Variants in NRG1 observed in about 807,000 individuals in gnomAD.
NRG1 encodes pro-neuregulin-1, membrane-bound isoform.
A neutral mutation model predicts 63.8 loss-of-function variants in NRG1; 18 were observed. That is an observed-to-expected ratio of 0.28 (90% CI 0.19 to 0.42). The LOEUF is 0.42. NRG1 is among the 10% of genes least tolerant of loss of function. NRG1 has a pLI of 1.00. For synonymous variants in NRG1, 302 were observed against 301.3 expected (o/e 1.00, Z -0.02); for missense variants, 762 against 814.7 (o/e 0.94, Z 0.79).
chr8:31,760,262 A>G (rs189153479), intron 1 of NRG1, among the ~76,000 whole-genome samples: 20 of 152,126 alleles, frequency 1.3e-4, no homozygotes, highest in Non-Finnish European at 4.4e-5. Flanking sequence ...TCAGCTTTCT[A>G]CATATGGCTA....
intron 1 of NRG1, among the ~76,000 whole-genome samples, chr8:31,991,378 C>CTCCTCTTCTTCTTCTGCT (rs1554594925): frequency 2.7e-5 from 4 of 149,368 alleles, no homozygotes; most frequent in South Asian, 2.1e-4. Context: ...CCTCCTCCTC[C>CTCCTCTTCTTCTTCTGCT]TCTTCTTCTG....
At chr8:32,438,829 C>A (rs2129487266) in intron 1 of NRG1, among the ~76,000 whole-genome samples, 1 of 152,144 alleles carries the variant, frequency 6.6e-6, no homozygotes, top group Non-Finnish European at 1.5e-5. Flanking sequence ...ATCTGTATAT[C>A]TTCTTTAGTG....
At chr8:32,262,384 C>T (rs1850480515) in intron 1 of NRG1, among the ~76,000 whole-genome samples, 2 of 152,068 alleles carry the variant, frequency 1.3e-5, no homozygotes, top group South Asian at 4.1e-4. Context: ...AGGAGACCCC[C>T]CCAAAAAATG....
chr8:31,778,841 G>A (rs1819410711), intron 1 of NRG1, among the ~76,000 whole-genome samples: 1 of 152,192 alleles, frequency 6.6e-6, no homozygotes, highest in African/African-American at 2.4e-5. Flanking sequence ...ATGTGCAGGA[G>A]GACTGTTATT....
chr8:31,968,578 C>T (rs1806758853), intron 1 of NRG1, among the ~76,000 whole-genome samples: 1 of 152,140 alleles, frequency 6.6e-6, no homozygotes, highest in African/African-American at 2.4e-5. Flanking sequence ...CAGGACATGA[C>T]ATATAGTACC....
At chr8:32,374,939 G>T (rs1294804573) in intron 1 of NRG1, among the ~76,000 whole-genome samples, 1 of 152,022 alleles carries the variant, frequency 6.6e-6, no homozygotes, top group Non-Finnish European at 1.5e-5. Flanking sequence ...CCTAAGAACG[G>T]ATATTTTTGC....
intron 1 of NRG1, among the ~76,000 whole-genome samples, chr8:32,028,528 C>T (rs1019360647): frequency 6.6e-6 from 1 of 152,070 alleles, no homozygotes; most frequent in Non-Finnish European, 1.5e-5. Context: ...TTTCCAAGAC[C>T]ATTTCAGGGT....
chr8:32,395,433 T>C (rs1812313792), intron 1 of NRG1, among the ~76,000 whole-genome samples: 1 of 152,218 alleles, frequency 6.6e-6, no homozygotes, highest in Non-Finnish European at 1.5e-5. Context: ...TTTGACATTC[T>C]AATCTGTGTG....
At chr8:32,684,336 A>G (rs1309300600) in intron 5 of NRG1, among the ~76,000 whole-genome samples, 2 of 152,204 alleles carry the variant, frequency 1.3e-5, no homozygotes, top group African/African-American at 2.4e-5. Flanking sequence ...ACAGGAAAAA[A>G]TATTTGATTT....
At chr8:32,440,118 A>G (rs1021229136) in intron 1 of NRG1, among the ~76,000 whole-genome samples, 3 of 152,084 alleles carry the variant, frequency 2.0e-5, no homozygotes, top group Non-Finnish European at 4.4e-5. Flanking sequence ...GGAGAGAGAG[A>G]GAGTGAGAGG....
At chr8:32,630,625 T>C (rs1219755050) in intron 5 of NRG1, among the ~76,000 whole-genome samples, 1 of 152,216 alleles carries the variant, frequency 6.6e-6, no homozygotes, top group African/African-American at 2.4e-5. Context: ...CCATAGCTTT[T>C]AGTTTAAGTT....
chr8:32,218,323 C>T (rs1248607167), intron 1 of NRG1, among the ~76,000 whole-genome samples: 8 of 152,166 alleles, frequency 5.3e-5, no homozygotes, highest in African/African-American at 1.7e-4. Context: ...TGTAACCAAC[C>T]CAACTATTTT....
intron 1 of NRG1, among the ~76,000 whole-genome samples, chr8:31,762,985 A>G (rs976597298): frequency 1.3e-5 from 2 of 152,322 alleles, no homozygotes; most frequent in Admixed American, 6.5e-5. Context: ...CATAAAGACA[A>G]ATTTACCAGG....
chr8:31,788,574 T>A (rs1176458460), intron 1 of NRG1, among the ~76,000 whole-genome samples: 1 of 152,134 alleles, frequency 6.6e-6, no homozygotes, highest in Non-Finnish European at 1.5e-5. Context: ...TATTAGCACA[T>A]CTGAGGACAT....
chr8:32,318,244 A>G (rs12682330), intron 1 of NRG1, among the ~76,000 whole-genome samples: 35,173 of 152,140 alleles, frequency 0.23, 4,978 homozygotes, highest in East Asian at 0.63. Flanking sequence ...TCTTGTAATA[A>G]GAGAAGACTT....
chr8:32,162,683 A>C (rs2131928082), intron 1 of NRG1, among the ~76,000 whole-genome samples: 1 of 152,120 alleles, frequency 6.6e-6, no homozygotes, highest in African/African-American at 2.4e-5. Context: ...AAGACTCTTA[A>C]ATTTGTGATT....
At chr8:31,916,963 A>ATG in intron 1 of NRG1, among the ~76,000 whole-genome samples, 1 of 151,610 alleles carries the variant, frequency 6.6e-6, no homozygotes, top group South Asian at 2.1e-4. Flanking sequence ...CAGTGATGGC[A>ATG]AGCATTTTTT....
In NRG1 at chr8:31,919,682, C is replaced by T. The variant is rs184445678; in HGVS notation, c.37+280251C>T. Among the ~76,000 whole-genome samples, 157 of 152,144 alleles carry T rather than the reference C, an allele frequency of 1.0e-3. 1 individual carries two copies. Among genetic ancestry groups the T allele is most frequent in the African/African-American group, 3.5e-3 (146 of 41,534 alleles). On this transcript the variant is annotated intron_variant, in intron 1 of 10. Coordinates refer to the NRG1 transcript ENST00000519301. The stretch of plus-strand genomic sequence containing the variant: ...TCAGTTCACAATGTTGTGAAGAACA[C>T]ATTGAACATTTTCATGGAACAATGC...
intron 3 of NRG1, among the ~76,000 whole-genome samples, chr8:32,609,610 CCTTCCTTCCTTT>C (rs893333212): frequency 3.5e-5 from 4 of 114,214 alleles, no homozygotes; most frequent in African/African-American, 1.5e-4. Flanking sequence ...TTCCTTCCTT[CCTTCCTTCCTTT>C]CCCTCCCTCC....
Sources: allele counts gnomAD v4.1 joint callset (sites outside exome capture counted in the v4.1 genomes callset), GRCh38; gene constraint gnomAD v4.1.1; transcripts MANE v1.5; gene names NCBI Gene and HGNC (gene_info 2026-07-23, HGNC 2026-07-21).